FRMD3: variants seen among roughly 807,000 people sequenced by gnomAD.
The protein encoded by FRMD3 is FERM domain containing 3.
A neutral mutation model predicts 70.2 loss-of-function variants in FRMD3; 33 were observed. The observed-to-expected ratio is 0.47, with a 90% CI of 0.36 to 0.63. FRMD3 has a LOEUF of 0.63. Ranked by LOEUF, FRMD3 falls within the 20% of genes least tolerant of loss-of-function variation. The pLI, the probability that FRMD3 is intolerant of heterozygous loss-of-function variation, is 0.00. For missense variants in FRMD3, 632 were observed against 711.4 expected, an observed-to-expected ratio of 0.89 and a Z score of 1.27; for synonymous variants, 279 against 255.9, an observed-to-expected ratio of 1.09 and a Z score of -0.86.
rs1283977581 is a variant in FRMD3, at chr9:83,291,978, A to T, written c.1071-1251T>A. On this transcript the variant is annotated intron_variant, in intron 12 of 13. Transcript: ENST00000304195. ...TGGGCTAGAAAGGAAATTTATGAGG[A>T]CTTGCTTAGCCATGGAGTCCTTTTC... Among the ~76,000 whole-genome samples the T allele has an allele frequency of 3.3e-5, 5 of 152,202 alleles. No individual in the cohort carries two copies. In the East Asian group the frequency reaches 9.7e-4, roughly 29 times the overall value.
chr9:83,403,463 T>C (rs924858193), intron 1 of FRMD3, among the ~76,000 whole-genome samples: 2 of 152,088 alleles, frequency 1.3e-5, no homozygotes, highest in Non-Finnish European at 2.9e-5. Flanking sequence ...CATATCTCAG[T>C]TATACTTGGT....
chr9:83,465,783 G>A (rs1828110701), intron 1 of FRMD3, among the ~76,000 whole-genome samples: 1 of 152,112 alleles, frequency 6.6e-6, no homozygotes, highest in Middle Eastern at 3.2e-3. Flanking sequence ...AGGGAAGAAA[G>A]TACTAGAAAC....
At chr9:83,550,889 G>A in the FRMD3 span, among the ~76,000 whole-genome samples, 3 of 152,036 alleles carry the variant, frequency 2.0e-5, no homozygotes, top group Non-Finnish European at 4.4e-5. Flanking sequence ...AAGACTATGG[G>A]GTTTTCTAGA....
At chr9:83,436,450 TTAA>T (rs1827134628) in intron 1 of FRMD3, among the ~76,000 whole-genome samples, 2 of 126,168 alleles carry the variant, frequency 1.6e-5, no homozygotes, top group East Asian at 2.2e-4. Flanking sequence ...CAAATTTTAA[TTAA>T]TAAGATGTGT....
chr9:83,499,898 C>A (rs1829023831), intron 1 of FRMD3, among the ~76,000 whole-genome samples: 1 of 152,040 alleles, frequency 6.6e-6, no homozygotes, highest in African/African-American at 2.4e-5. Context: ...TACATCCAGA[C>A]AATGGAATAT....
chr9:83,444,359 C>G (rs1369643568), intron 1 of FRMD3, among the ~76,000 whole-genome samples: 1 of 152,220 alleles, frequency 6.6e-6, no homozygotes, highest in Non-Finnish European at 1.5e-5. Context: ...TTCCCACATC[C>G]CTAGTAATGG....
the FRMD3 span, among the ~76,000 whole-genome samples, chr9:83,554,633 T>C: frequency 1.3e-5 from 2 of 152,228 alleles, no homozygotes; most frequent in Non-Finnish European, 2.9e-5. Flanking sequence ...GAGATGTGGA[T>C]AAGACACTTA....
the FRMD3 span, among the ~76,000 whole-genome samples, chr9:83,558,431 T>G: frequency 6.6e-6 from 1 of 152,244 alleles, no homozygotes; most frequent in Non-Finnish European, 1.5e-5. Context: ...ATTGTTAAGA[T>G]TAGTATGCTG....
the FRMD3 span, among the ~76,000 whole-genome samples, chr9:83,573,765 T>C: frequency 2.1e-5 from 3 of 145,850 alleles, no homozygotes; most frequent in Admixed American, 1.4e-4. Flanking sequence ...TCTCTCTCTC[T>C]CCTCCCCCTG....
At chr9:83,324,706 A>G (rs1835942181) in intron 6 of FRMD3, among the ~76,000 whole-genome samples, 1 of 152,220 alleles carries the variant, frequency 6.6e-6, no homozygotes, top group South Asian at 2.1e-4. Context: ...TGCCAGGCAT[A>G]TACATATTTT....
chr9:83,402,949 G>T (rs1194786162), intron 1 of FRMD3, among the ~76,000 whole-genome samples: 6 of 136,314 alleles, frequency 4.4e-5, no homozygotes. Context: ...TGTTGCCCAG[G>T]CTGTAGTACA....
At chr9:83,492,127 T>TC (rs1828840409) in intron 1 of FRMD3, among the ~76,000 whole-genome samples, 1 of 152,204 alleles carries the variant, frequency 6.6e-6, no homozygotes, top group African/African-American at 2.4e-5. Flanking sequence ...GGACCTTCTG[T>TC]CATGCCATAG....
Position 83,439,131 on chromosome 9 carries a change from A to G in FRMD3, c.148-49423T>C, listed in dbSNP as rs578082005. On this transcript the variant is annotated intron_variant, in intron 1 of 13. Transcript: ENST00000304195. Reference sequence around the variant, plus strand: ...ATGGGGGCCACACCCAGCCCAGGAAACTACATATAATAATTTATCTTTCGC... The same window carrying G: ...ATGGGGGCCACACCCAGCCCAGGAAGCTACATATAATAATTTATCTTTCGC... Among the ~76,000 whole-genome samples, 7 of 152,320 alleles carry G rather than the reference A, an allele frequency of 4.6e-5. No homozygotes were observed. The East Asian group carries it at 1.3e-3, about 29-fold the overall frequency.
intron 2 of FRMD3, 112 bp downstream of exon 2, chr9:83,389,492 C>T: frequency 1.4e-6 from 1 of 720,294 alleles, no homozygotes; most frequent in East Asian, 2.5e-5. Flanking sequence ...TTTCATGTGC[C>T]CAATAATCTA....
chr9:83,496,080 T>C (rs1828935796), intron 1 of FRMD3, among the ~76,000 whole-genome samples: 2 of 152,214 alleles, frequency 1.3e-5, no homozygotes, highest in Admixed American at 1.3e-4. Context: ...GCATAATGAA[T>C]TATTTTACAC....
Position 83,374,405 on chromosome 9 carries a change from C to A in FRMD3, c.253-1450G>T, listed in dbSNP as rs567882749. Reference sequence around the variant, plus strand: ...CACACACAAAAAAACATATATTTACCCCGACCAGGTTGCACAGACAAACTG... The same window carrying A: ...CACACACAAAAAAACATATATTTACACCGACCAGGTTGCACAGACAAACTG... On this transcript the variant is annotated intron_variant, in intron 2 of 13. Transcript: ENST00000304195. Among the ~76,000 whole-genome samples, 3 of 74,612 alleles carry A rather than the reference C, an allele frequency of 4.0e-5. No homozygotes were observed. In the East Asian group the frequency reaches 8.3e-4, roughly 21 times the overall value. The allele number at this position is 74,612 out of a possible 152,430, so 48.9% of individuals were successfully genotyped here.
At chr9:83,457,751 T>C (rs958099379) in intron 1 of FRMD3, among the ~76,000 whole-genome samples, 1 of 152,162 alleles carries the variant, frequency 6.6e-6, no homozygotes, top group Non-Finnish European at 1.5e-5. Context: ...TATGGAGGGC[T>C]AACTGTATTC....
chr9:83,276,908 C>T (rs1372759720), intron 13 of FRMD3, among the ~76,000 whole-genome samples: 2 of 152,172 alleles, frequency 1.3e-5, no homozygotes, highest in African/African-American at 4.8e-5. Context: ...TGGGGTTTCA[C>T]CATGTTAGTC....
chr9:83,571,834 G>A, the FRMD3 span, among the ~76,000 whole-genome samples: 4 of 152,158 alleles, frequency 2.6e-5, no homozygotes, highest in African/African-American at 9.7e-5. Flanking sequence ...AAGCTTGGCT[G>A]GAGTGTGTTT....
Sources: gnomAD v4.1 joint callset for allele counts (sites outside exome capture counted in the v4.1 genomes callset) on GRCh38, gnomAD v4.1.1 for gene constraint, MANE v1.5 for transcripts, NCBI Gene and HGNC (gene_info 2026-07-23, HGNC 2026-07-21) for gene names.